ERC1: variants seen among roughly 807,000 people sequenced by gnomAD.
The protein encoded by ERC1 is ELKS/RAB6-interacting/CAST family member 1.
A neutral mutation model predicts 132.0 loss-of-function variants in ERC1; 56 were observed. That is an observed-to-expected ratio of 0.42 (90% CI 0.34 to 0.53). The LOEUF (loss-of-function observed/expected upper bound fraction) is 0.53, where lower values mean the gene tolerates loss of function less well. ERC1 is among the 20% of genes least tolerant of loss of function. The pLI is 0.03. For missense variants in ERC1, 1,202 were observed against 1,349.9 expected (o/e 0.89, Z 1.72); for synonymous variants, 478 against 476.1 (o/e 1.00, Z -0.05).
At chr12:996,717 A>C (rs1423575173) in intron 1 of ERC1, among the ~76,000 whole-genome samples, 2 of 152,228 alleles carry the variant, frequency 1.3e-5, no homozygotes, top group Non-Finnish European at 2.9e-5. Flanking sequence ...TAGGTAATAT[A>C]TGTACTAAAT....
intron 18 of ERC1, among the ~76,000 whole-genome samples, chr12:1,447,396 G>T (rs1161382324): frequency 6.6e-6 from 1 of 151,766 alleles, no homozygotes; most frequent in Non-Finnish European, 1.5e-5. Context: ...CACGCCTGTA[G>T]TCCCAGCTGC....
At chr12:1,103,605 C>A (rs1379177204) in intron 3 of ERC1, among the ~76,000 whole-genome samples, 1 of 152,148 alleles carries the variant, frequency 6.6e-6, no homozygotes, top group African/African-American at 2.4e-5. Context: ...GAAGCTAGAG[C>A]TAACTGGATT....
intron 2 of ERC1, among the ~76,000 whole-genome samples, chr12:1,067,844 T>C (rs1939506249): frequency 6.6e-6 from 1 of 152,192 alleles, no homozygotes. Context: ...CTAATTTATA[T>C]TGTAAAAAAT....
chr12:1,455,145 C>T (rs142759748), intron 18 of ERC1, among the ~76,000 whole-genome samples: 285 of 152,322 alleles, frequency 1.9e-3, no homozygotes, highest in African/African-American at 6.3e-3. Context: ...TAATTTGATA[C>T]ATTCATATGC....
intron 15 of ERC1, among the ~76,000 whole-genome samples, chr12:1,293,695 T>C (rs73029190): frequency 0.056 from 8,584 of 151,998 alleles, 352 homozygotes; most frequent in African/African-American, 0.12. Context: ...ATTTATGACA[T>C]GGTGTTCCAA....
intron 15 of ERC1, among the ~76,000 whole-genome samples, chr12:1,328,383 G>A (rs1468341826): frequency 1.3e-5 from 2 of 151,326 alleles, no homozygotes; most frequent in East Asian, 1.9e-4. Flanking sequence ...AGCTCAAGTA[G>A]TTCTCCTACC....
rs115567246 is a variant in ERC1, at chr12:1,425,235, T to C, written c.3024+16988T>C. Reference sequence around the variant, plus strand: ...CATACATAATTTTAGTAGGCACTTATGCTGGATTGTGCTTGGTAGTTGGCA... The same window carrying C: ...CATACATAATTTTAGTAGGCACTTACGCTGGATTGTGCTTGGTAGTTGGCA... On this transcript the variant is annotated intron_variant, in intron 17 of 18. Coordinates refer to ENST00000360905, the MANE Select transcript of ERC1 (RefSeq NM_178040.4). Among the ~76,000 whole-genome samples the C allele has an allele frequency of 5.0e-3, 756 of 152,346 alleles. 9 individuals carry two copies. Among genetic ancestry groups the C allele is most frequent in the African/African-American group, 0.017 (714 of 41,564 alleles).
chr12:1,437,407 T>A (rs1205998513), intron 17 of ERC1, among the ~76,000 whole-genome samples: 1 of 152,220 alleles, frequency 6.6e-6, no homozygotes, highest in African/African-American at 2.4e-5. Flanking sequence ...CTTACAAATT[T>A]CCGAGTACTA....
At chr12:1,184,980 G>C (rs935000196) in intron 11 of ERC1, among the ~76,000 whole-genome samples, 1 of 152,056 alleles carries the variant, frequency 6.6e-6, no homozygotes, top group Non-Finnish European at 1.5e-5. Context: ...GCACAACCTC[G>C]GCTCACTGCA....
intron 2 of ERC1, among the ~76,000 whole-genome samples, chr12:1,072,803 G>A (rs1940642513): frequency 2.0e-5 from 3 of 152,074 alleles, no homozygotes; most frequent in African/African-American, 4.8e-5. Context: ...AGCAGTTCTC[G>A]TGCCTCAGCT....
chr12:1,379,133 C>T (rs376502154), intron 16 of ERC1, among the ~76,000 whole-genome samples: 1 of 152,076 alleles, frequency 6.6e-6, no homozygotes, highest in Non-Finnish European at 1.5e-5. Context: ...ATAAAAGGAC[C>T]GTGCTAAGCT....
At chr12:1,123,263 G>A (rs189125534) in intron 7 of ERC1, among the ~76,000 whole-genome samples, 8 of 152,144 alleles carry the variant, frequency 5.3e-5, no homozygotes, top group South Asian at 4.2e-4. Context: ...GTTTCAAACC[G>A]TCAGAGTAAA....
intron 2 of ERC1, among the ~76,000 whole-genome samples, chr12:1,081,709 G>T (rs1472642114): frequency 3.3e-5 from 5 of 152,160 alleles, no homozygotes; most frequent in African/African-American, 4.8e-5. Flanking sequence ...AGGGGGAAAT[G>T]GAGAGTTACT....
intron 2 of ERC1, among the ~76,000 whole-genome samples, chr12:1,043,141 C>T (rs1970544297): frequency 6.6e-6 from 1 of 150,810 alleles, no homozygotes. Context: ...CCTCCCGGGT[C>T]TAAGCGATTC....
At chr12:1,100,866 G>A (rs751032254) in intron 3 of ERC1, among the ~76,000 whole-genome samples, 5 of 152,172 alleles carry the variant, frequency 3.3e-5, no homozygotes, top group Non-Finnish European at 5.9e-5. Flanking sequence ...AATACCAAGG[G>A]AATGAGTATA....
intron 1 of ERC1, among the ~76,000 whole-genome samples, chr12:1,000,187 G>A (rs189737031): frequency 3.3e-5 from 5 of 152,052 alleles, no homozygotes; most frequent in Admixed American, 1.3e-4. Context: ...CCTTTTGCAT[G>A]GAAATAAGAT....
At chr12:1,082,483 AATT>A (rs1194476313) in intron 2 of ERC1, among the ~76,000 whole-genome samples, 14 of 108,838 alleles carry the variant, frequency 1.3e-4, no homozygotes, top group African/African-American at 4.5e-4. Flanking sequence ...GAAAAAAAAA[AATT>A]TTTTTTTTTT....
chr12:1,202,614 G>A (rs548707456), intron 12 of ERC1, among the ~76,000 whole-genome samples: 9 of 152,074 alleles, frequency 5.9e-5, no homozygotes, highest in Admixed American at 6.5e-5. Context: ...CCAAGATTGC[G>A]CCACTGCACT....
chr12:1,369,701 G>A (rs1478840827), intron 15 of ERC1, among the ~76,000 whole-genome samples: 1 of 151,986 alleles, frequency 6.6e-6, no homozygotes, highest in East Asian at 1.9e-4. Context: ...TTTTTCAAGT[G>A]GTCAGTGGAT....
Sources: allele counts gnomAD v4.1 joint callset (sites outside exome capture counted in the v4.1 genomes callset), GRCh38; gene constraint gnomAD v4.1.1; transcripts MANE v1.5; gene names NCBI Gene and HGNC (gene_info 2026-07-23, HGNC 2026-07-21).